The following DOCK7 variants were observed in gnomAD, a reference collection of about 807,000 sequenced individuals.
The protein encoded by DOCK7 is dedicator of cytokinesis protein 7.
Under a neutral mutation model 271.0 loss-of-function variants are expected in DOCK7, and 138 were observed. The ratio of observed to expected loss-of-function variants is 0.51; its 90% confidence interval spans 0.44 to 0.59. The LOEUF is 0.59. DOCK7 is among the 20% of genes least tolerant of loss of function. The pLI, the probability that DOCK7 is intolerant of heterozygous loss-of-function variation, is 0.00. For synonymous variants in DOCK7, 823 were observed against 876.1 expected (o/e 0.94, Z 1.07); for missense variants, 2,066 against 2,592.4 (o/e 0.80, Z 4.41).
In DOCK7 at chr1:62,553,850, C is replaced by A. The variant is rs1054782532; in HGVS notation, c.2597-949G>T. ...ACACACACAGACGTGTGCGTGCGTG[C>A]GCGCACACACACACACACGCACACG... is the stretch of plus-strand genomic sequence containing the variant. On this transcript the variant is annotated intron_variant, in intron 21 of 49. Coordinates refer to ENST00000635253, the MANE Select transcript of DOCK7 (RefSeq NM_001367561.1). Among the ~76,000 whole-genome samples the A allele has an allele frequency of 6.5e-5, 8 of 122,326 alleles. No individual in the cohort carries two copies. The East Asian group carries it at 1.6e-3, about 24-fold the overall frequency. The allele number at this position is 122,326 out of a possible 152,430, so 80.3% of individuals were successfully genotyped here. A position where few individuals can be genotyped will look rare whatever the true frequency, so the allele number is the denominator to read the frequency against.
chr1:62,593,957 C>A (rs903942383), intron 14 of DOCK7, among the ~76,000 whole-genome samples: 1 of 152,102 alleles, frequency 6.6e-6, no homozygotes, highest in Non-Finnish European at 1.5e-5. Context: ...TACACAACCT[C>A]GTGTAGGATA....
chr1:62,570,252 C>T (rs567142829), intron 18 of DOCK7, among the ~76,000 whole-genome samples: 3 of 152,244 alleles, frequency 2.0e-5, no homozygotes, highest in African/African-American at 7.2e-5. Flanking sequence ...TTCTTATACA[C>T]CAACAACAGA....
rs1169233119 is a variant in DOCK7 at position 62,529,464 on chromosome 1, G to A, written c.3612-18C>T. On this transcript the variant is annotated intron_variant, in intron 29 of 49. Transcript: ENST00000635253. ...CAAACAGTCTATTTAAAAAGAAGAA[G>A]ACAAAGAAGAAAAAGCAGTAAGGCC... The A allele has an allele frequency of 1.3e-6, 2 of 1,580,470 alleles. No individual in the cohort carries two copies. Among genetic ancestry groups the A allele is most frequent in the Non-Finnish European group, 1.7e-6 (2 of 1,164,208 alleles).
intron 10 of DOCK7, among the ~76,000 whole-genome samples, chr1:62,632,786 G>C (rs1654784457): frequency 6.6e-6 from 1 of 152,120 alleles, no homozygotes; most frequent in South Asian, 2.1e-4. Context: ...AGACCAGCCT[G>C]ACCAACATGG....
chr1:62,584,590 T>C (rs1027126233), intron 15 of DOCK7: 1 of 1,213,790 alleles, frequency 8.2e-7, no homozygotes, highest in African/African-American at 1.6e-5. Flanking sequence ...TTTCATAATA[T>C]GACATAAAGC....
chr1:62,481,485 CT>C (rs934901443), intron 43 of DOCK7: 3 of 152,036 alleles, frequency 2.0e-5, no homozygotes, highest in Non-Finnish European at 4.4e-5. Flanking sequence ...CTCACTTCAT[CT>C]TTATTTCTTC....
chr1:62,604,075 A>G (rs747754314), intron 14 of DOCK7: 26 of 1,613,236 alleles, frequency 1.6e-5, no homozygotes, highest in Non-Finnish European at 2.5e-6. Context: ...ATTATATTGA[A>G]TATTCTTTTT....
intron 48 of DOCK7, chr1:62,457,938 C>A: frequency 2.3e-6 from 1 of 431,852 alleles, no homozygotes; most frequent in East Asian, 3.8e-5. Flanking sequence ...CCACTTGAGC[C>A]CAGGAGTTCT....
chr1:62,518,217 C>T (rs779206602), intron 31 of DOCK7, among the ~76,000 whole-genome samples: 4 of 152,118 alleles, frequency 2.6e-5, no homozygotes, highest in African/African-American at 4.8e-5. Context: ...AGGTAAATCA[C>T]TTGAGGCCAG....
intron 1 of DOCK7, among the ~76,000 whole-genome samples, chr1:62,678,921 T>C (rs921104333): frequency 1.3e-5 from 2 of 152,160 alleles, no homozygotes; most frequent in African/African-American, 2.4e-5. Flanking sequence ...ACAAGATAAA[T>C]GCTTGACATG....
At chr1:62,553,340 ATATATATATATATATTTTTTTTTTT>A (rs1645999224) in intron 21 of DOCK7, among the ~76,000 whole-genome samples, 1 of 8,394 alleles carries the variant, frequency 1.2e-4, no homozygotes, top group Non-Finnish European at 3.9e-4. Flanking sequence ...ATATATATAT[ATATATATATATATATTTTTTTTTTT>A]TTTTTTTTTT....
At chr1:62,671,434 T>A (rs1226564068) in intron 1 of DOCK7, among the ~76,000 whole-genome samples, 2 of 152,170 alleles carry the variant, frequency 1.3e-5, no homozygotes, top group Non-Finnish European at 2.9e-5. Flanking sequence ...GACCATATCT[T>A]ATTAATCGTT....
chr1:62,459,022 T>C (rs1645434854), intron 48 of DOCK7: 1 of 152,174 alleles, frequency 6.6e-6, no homozygotes, highest in Non-Finnish European at 1.5e-5. Context: ...ATTAGAAGGC[T>C]AAAACTGAAG....
At chr1:62,668,469 G>C (rs186669966) in intron 1 of DOCK7, among the ~76,000 whole-genome samples, 2 of 152,260 alleles carry the variant, frequency 1.3e-5, no homozygotes, top group East Asian at 1.9e-4. Context: ...TTTGAACATG[G>C]GCAAGGTAAT....
chr1:62,464,739 C>T (rs957396018), intron 48 of DOCK7, among the ~76,000 whole-genome samples: 13 of 151,800 alleles, frequency 8.6e-5, no homozygotes, highest in Non-Finnish European at 1.9e-4. Flanking sequence ...TATTTAAATG[C>T]AAGGTGTATT....
intron 22 of DOCK7, among the ~76,000 whole-genome samples, chr1:62,545,261 T>C (rs1002593499): frequency 5.3e-5 from 8 of 152,228 alleles, no homozygotes; most frequent in African/African-American, 1.9e-4. Flanking sequence ...TTAAGTATAG[T>C]ATTTAAAGGT....
chr1:62,562,789 A>C (rs1470500249), intron 18 of DOCK7, among the ~76,000 whole-genome samples: 2 of 152,140 alleles, frequency 1.3e-5, no homozygotes, highest in Non-Finnish European at 1.5e-5. Context: ...ATGGCAACCC[A>C]GAAACGCCAA....
At chr1:62,464,469 G>C (rs1645618729) in intron 48 of DOCK7, among the ~76,000 whole-genome samples, 1 of 150,802 alleles carries the variant, frequency 6.6e-6, no homozygotes, top group East Asian at 2.0e-4. Flanking sequence ...ATCACCTGAG[G>C]TCAGGAGTTC....
chr1:62,494,522 A>G (rs1646562410), intron 39 of DOCK7, 55 bp from the exon 40 acceptor site: 1 of 1,507,682 alleles, frequency 6.6e-7, no homozygotes, highest in Non-Finnish European at 9.0e-7. Flanking sequence ...GCTGGGAGGG[A>G]GTTTAGATAG....
Sources: allele counts gnomAD v4.1 joint callset (sites outside exome capture counted in the v4.1 genomes callset), GRCh38; gene constraint gnomAD v4.1.1; transcripts MANE v1.5; gene names NCBI Gene and HGNC (gene_info 2026-07-23, HGNC 2026-07-21).